Variants in ANKHD1 observed in about 807,000 individuals in gnomAD.
The protein encoded by ANKHD1 is ankyrin repeat and KH domain-containing protein 1.
ANKHD1 carries 31 observed loss-of-function variants against 230.5 expected under a neutral mutation model. The observed-to-expected ratio is 0.13, with a 90% confidence interval of 0.10 to 0.18. The LOEUF is 0.18. ANKHD1 is among the 10% of genes least tolerant of loss of function. ANKHD1 has a pLI of 1.00. For missense variants in ANKHD1, 2,256 were observed against 3,071.3 expected (o/e 0.73, Z 6.27); for synonymous variants, 1,074 against 1,117.6 (o/e 0.96, Z 0.78).
At chr5:140,451,083 T>C (rs942071896) in intron 7 of ANKHD1, among the ~76,000 whole-genome samples, 5 of 151,830 alleles carry the variant, frequency 3.3e-5, no homozygotes, top group African/African-American at 9.7e-5. Context: ...ACCTGGGAGG[T>C]GGAGGTTGCA....
At chr5:140,403,278 C>A (rs1201545219) in intron 1 of ANKHD1, among the ~76,000 whole-genome samples, 1 of 152,136 alleles carries the variant, frequency 6.6e-6, no homozygotes, top group Non-Finnish European at 1.5e-5. Flanking sequence ...TGGACACCTT[C>A]ACTCTGCCTT....
chr5:140,512,210 G>A (rs993515984), intron 22 of ANKHD1, among the ~76,000 whole-genome samples: 4 of 150,634 alleles, frequency 2.7e-5, no homozygotes, highest in Non-Finnish European at 4.4e-5. Context: ...CACTCCAGCC[G>A]GGGCAACAAC....
At chr5:140,525,959 G>T (rs776136837) in intron 25 of ANKHD1, 37 bp from the exon 26 acceptor site, 3 of 1,527,812 alleles carry the variant, frequency 2.0e-6, no homozygotes, top group Admixed American at 4.6e-5. Flanking sequence ...TGAGATCTGT[G>T]ACTCAGTATG....
At chr5:140,535,140 T>A (rs1306732592) in intron 29 of ANKHD1, among the ~76,000 whole-genome samples, 2 of 152,206 alleles carry the variant, frequency 1.3e-5, no homozygotes, top group Admixed American at 6.5e-5. Flanking sequence ...TCTAGTGCTG[T>A]TTGGCGATAT....
chr5:140,513,623 A>C (rs764629125), intron 24 of ANKHD1, 144 bp downstream of exon 24: 3 of 690,796 alleles, frequency 4.3e-6, no homozygotes, highest in Non-Finnish European at 6.8e-6. Flanking sequence ...AGCCTTGCTA[A>C]CAAGGTGAAA....
intron 10 of ANKHD1, chr5:140,465,006 C>A (rs1422425080): frequency 1.1e-5 from 3 of 264,842 alleles, no homozygotes; most frequent in Non-Finnish European, 2.1e-5. Flanking sequence ...TTGTTTCTTC[C>A]TTTCACTCCA....
At chr5:140,477,476 T>G (rs1242780103) in intron 10 of ANKHD1, among the ~76,000 whole-genome samples, 1 of 152,248 alleles carries the variant, frequency 6.6e-6, no homozygotes, top group African/African-American at 2.4e-5. Context: ...TGTCCATGTT[T>G]TAGGCCACAG....
chr5:140,481,662 G>A (rs1034283818), intron 10 of ANKHD1, among the ~76,000 whole-genome samples: 5 of 152,042 alleles, frequency 3.3e-5, no homozygotes, highest in African/African-American at 1.2e-4. Flanking sequence ...AATTGATCAT[G>A]TGGTAATTAT....
Position 140,482,676 on chromosome 5 carries a change from A to T in ANKHD1, c.1870+9A>T, listed in dbSNP as rs1283031180. 1.9e-6 allele frequency: 3 copies of T among 1,610,112 alleles called. No homozygotes were observed. The African/African-American group carries it at 4.0e-5, about 22-fold the overall frequency. ...GTTTCTTATTAGCAAAGGTAAAGAA[A>T]GGGCAAGTGATCATTTCCAAGAGGC... On this transcript the variant is annotated intron_variant, in intron 11 of 33. Coordinates refer to ENST00000360839, the MANE Select transcript of ANKHD1 (RefSeq NM_017747.3).
intron 15 of ANKHD1, among the ~76,000 whole-genome samples, chr5:140,504,225 T>A (rs1752446820): frequency 6.6e-6 from 1 of 152,036 alleles, no homozygotes; most frequent in Non-Finnish European, 1.5e-5. Flanking sequence ...AACTTTCTGT[T>A]TTTTTTAGTA....
At chr5:140,528,056 G>A (rs759751283) in intron 28 of ANKHD1, 34 bp downstream of exon 28, 3 of 1,607,450 alleles carry the variant, frequency 1.9e-6, no homozygotes, top group Admixed American at 1.7e-5. Flanking sequence ...CTAGTTCTGA[G>A]TAGAAATTAT....
intron 9 of ANKHD1, 143 bp downstream of exon 9, chr5:140,459,498 A>G (rs996114058): frequency 9.2e-7 from 1 of 1,087,744 alleles, no homozygotes; most frequent in Non-Finnish European, 1.2e-6. Flanking sequence ...AGGAGAGTAC[A>G]CAAGGAGAGG....
In ANKHD1 at chr5:140,528,838, C is replaced by T. The variant is rs371598215; in HGVS notation, c.5892C>T (p.Ala1964=). The change falls in exon 29 of 34, where the codon GCC becomes GCT. Residue 1964 remains alanine (A), a synonymous_variant. Coordinates refer to ENST00000360839, the MANE Select transcript of ANKHD1 (RefSeq NM_017747.3). ...TPSSVRKQLF[A]CVPKTSPPAT... is the part of the protein sequence containing the mutation. Reference sequence around the variant, plus strand: ...CATCAGTCAGAAAGCAGTTGTTTGCCTGTGTGCCTAAGACAAGTCCTCCAG... The same window carrying T: ...CATCAGTCAGAAAGCAGTTGTTTGCTTGTGTGCCTAAGACAAGTCCTCCAG... 2.5e-6 allele frequency: 4 copies of T among 1,613,952 alleles called. No homozygotes were observed. Among genetic ancestry groups the T allele is most frequent in the Non-Finnish European group, 3.4e-6 (4 of 1,180,052 alleles).
At chr5:140,432,588 C>CT (rs1773130969) in intron 1 of ANKHD1, among the ~76,000 whole-genome samples, 1 of 152,014 alleles carries the variant, frequency 6.6e-6, no homozygotes, top group African/African-American at 2.4e-5. Context: ...AGGTATATAC[C>CT]TAAGAAGTAG....
At chr5:140,477,922 T>C (rs933479065) in intron 10 of ANKHD1, among the ~76,000 whole-genome samples, 9 of 152,164 alleles carry the variant, frequency 5.9e-5, no homozygotes, top group Admixed American at 3.9e-4. Flanking sequence ...GAAAATACTT[T>C]TATAAAATTC....
At chr5:140,416,415 T>C (rs1403666040) in intron 1 of ANKHD1, among the ~76,000 whole-genome samples, 1 of 152,174 alleles carries the variant, frequency 6.6e-6, no homozygotes, top group Non-Finnish European at 1.5e-5. Flanking sequence ...CTTTTGCTTG[T>C]GGATATCCAG....
intron 14 of ANKHD1, among the ~76,000 whole-genome samples, chr5:140,493,932 G>C (rs536379849): frequency 6.6e-6 from 1 of 152,198 alleles, no homozygotes; most frequent in Non-Finnish European, 1.5e-5. Context: ...TGAATGTCCA[G>C]TGGGGTCATA....
chr5:140,449,194 T>A lies in ANKHD1; in HGVS notation c.1148-17T>A. 1 of 1,592,672 alleles carries A rather than the reference T, an allele frequency of 6.3e-7. No individual in the cohort carries two copies. Among genetic ancestry groups the A allele is most frequent in the African/African-American group, 1.3e-5 (1 of 74,334 alleles). On this transcript the variant is annotated splice_polypyrimidine_tract_variant and intron_variant, in intron 6 of 33. Transcript: ENST00000360839. ...CTGATAGTGAATTCTTTTAAAATTT[T>A]TGTTCCTTTTTTCAAGGCCATTTGG...
chr5:140,439,916 C>A (rs1773731994), intron 3 of ANKHD1, among the ~76,000 whole-genome samples: 1 of 152,144 alleles, frequency 6.6e-6, no homozygotes, highest in Non-Finnish European at 1.5e-5. Context: ...GTTTCAAATT[C>A]ACTCACTGGC....
Sources: gnomAD v4.1 joint callset for allele counts (sites outside exome capture counted in the v4.1 genomes callset) on GRCh38, gnomAD v4.1.1 for gene constraint, MANE v1.5 for transcripts, NCBI Gene and HGNC (gene_info 2026-07-23, HGNC 2026-07-21) for gene names.